The following MUC6 variants were observed in gnomAD, a reference collection of about 807,000 sequenced individuals.
The protein encoded by MUC6 is mucin-6.
A neutral mutation model predicts 201.5 loss-of-function variants in MUC6; 188 were observed. The observed-to-expected ratio is 0.93, with a 90% CI of 0.83 to 1.05. The LOEUF is 1.05. MUC6 is among the 50% of genes least tolerant of loss of function. The probability of loss-of-function intolerance (pLI) is 0.00; values close to 1 mark genes in which losing one functional copy is unlikely to be tolerated. For synonymous variants in MUC6, 1,228 were observed against 1,389.4 expected, an observed-to-expected ratio of 0.88 and a Z score of 2.58; for missense variants, 2,706 against 3,256.9, an observed-to-expected ratio of 0.83 and a Z score of 4.12.
chr11:1,031,102 A>G (rs1309245410), intron 5 of MUC6, 46 bp from the exon 6 acceptor site: 2 of 1,504,090 alleles, frequency 1.3e-6, no homozygotes, highest in Non-Finnish European at 1.8e-6. Flanking sequence ...TGGGCCTCAG[A>G]GGCCCCCCTG....
In MUC6 at chr11:1,023,933, G is replaced by A. The variant is rs1856885448; in HGVS notation, c.3382+14C>T. ...CAGGGGCTGGAGCAACCTGTGGGAGGGGTGGTCACTCACGGCAGAAGGCCG... is the reference window on the plus strand; with the variant it reads ...CAGGGGCTGGAGCAACCTGTGGGAGAGGTGGTCACTCACGGCAGAAGGCCG... On this transcript the variant is annotated intron_variant, in intron 25 of 32. Coordinates refer to ENST00000421673, the MANE Select transcript of MUC6 (RefSeq NM_005961.3). The A allele has an allele frequency of 1.2e-6, 2 of 1,610,638 alleles. No homozygotes were observed. Among genetic ancestry groups the A allele is most frequent in the South Asian group, 2.2e-5 (2 of 90,772 alleles).
Position 1,029,537 on chromosome 11 carries a change from A to G in MUC6, c.1094T>C (p.Met365Thr), listed in dbSNP as rs753396750. Reference sequence around the variant, plus strand: ...TATTGTGACCTCCCCGGGGGCATACATGGCGCCGTGGAGCACACAGGGGCA... The same window carrying G: ...TATTGTGACCTCCCCGGGGGCATACGTGGCGCCGTGGAGCACACAGGGGCA... Reference protein sequence around the residue: ...TQCPCVLHGAMYAPGEVTIAA... With the variant: ...TQCPCVLHGATYAPGEVTIAA... Residue 365 changes from methionine to threonine, a missense_variant, in exon 9 of 33, where the codon ATG becomes ACG. Physicochemically the swap from Met to Thr is moderately conservative, Grantham distance 81 (BLOSUM62 -1). This residue lies in a region of MUC6 where 1,850 missense variants were observed against 1,958.3 expected (regional missense o/e 0.94). Coordinates refer to ENST00000421673, the MANE Select transcript of MUC6 (RefSeq NM_005961.3). 1.9e-6 allele frequency: 3 copies of G among 1,612,452 alleles called. No homozygotes were observed. The highest frequency in any genetic ancestry group is 1.7e-4 in the Middle Eastern group (1 of 6,054).
In MUC6 at chr11:1,032,063, G is replaced by C. The variant is rs756092404; in HGVS notation, c.116-10C>G. On this transcript the variant is annotated splice_polypyrimidine_tract_variant and intron_variant, in intron 2 of 32. Transcript: ENST00000421673. ...TGGCCTTTGTCCGGGGCTACAGAGA[G>C]AGCAGTGCTCACACAGCCCTGTGTC... 21 of 1,612,334 alleles carry C rather than the reference G, an allele frequency of 1.3e-5. No homozygotes were observed. The African/African-American group carries it at 2.8e-4, about 22-fold the overall frequency.
At chr11:1,021,071 C>T in intron 27 of MUC6, 144 bp downstream of exon 27, 1 of 847,010 alleles carries the variant, frequency 1.2e-6, no homozygotes, top group South Asian at 1.9e-5. Context: ...CCCAAGGGGC[C>T]AGGGTCCTGG....
In MUC6 at chr11:1,033,158, G is replaced by C; in HGVS notation, c.53-83C>G. The C allele has an allele frequency of 7.3e-7, 1 of 1,375,906 alleles. No homozygotes were observed. The highest frequency in any genetic ancestry group is 1.0e-6 in the Non-Finnish European group (1 of 967,350). The allele number at this position is 1,375,906 out of a possible 1,614,324, so 85.2% of individuals were successfully genotyped here. A position where few individuals can be genotyped will look rare whatever the true frequency, so the allele number is the denominator to read the frequency against. On this transcript the variant is annotated intron_variant, in intron 1 of 32. Coordinates refer to ENST00000421673, the MANE Select transcript of MUC6 (RefSeq NM_005961.3). The surrounding 1 kb of genome is among the most constrained non-coding windows in gnomAD (Gnocchi z 5.6). ...GCTCACCTCTGCTCAGGGCTGCTCC[G>C]CCCGTTTCCCTGCACACACTCGGCG... is the stretch of plus-strand genomic sequence containing the variant.
Position 1,026,001 on chromosome 11 carries a change from G to T in MUC6, c.2687C>A (p.Thr896Lys), listed in dbSNP as rs191759836. ...TGCGGCCTGGCACCCGATGGTTACC[G>T]TGGCCAGGATGTACTCGCAGTTGCC... ...FDGNCEYILA[T>K]DVCGVNDSQP... is the part of the protein sequence containing the mutation. Residue 896 changes from threonine (T) to lysine (K), a missense_variant and splice_region_variant, in exon 21 of 33, where the codon ACG becomes AAG. Coordinates refer to ENST00000421673, the MANE Select transcript of MUC6 (RefSeq NM_005961.3). The T allele has an allele frequency of 2.1e-5, 34 of 1,587,148 alleles. No homozygotes were observed. The highest frequency in any genetic ancestry group is 2.9e-5 in the Non-Finnish European group (34 of 1,167,278).
rs1385032396 is a variant in MUC6 at position 1,027,733 on chromosome 11, A to G, written c.1933T>C (p.Leu645=). Reference sequence around the variant, plus strand: ...CAGCCCCAGAGCAGGACGCCCCGCAAGGAGCAGGCGTGTACGTAGTCGCCC... The same window carrying G: ...CAGCCCCAGAGCAGGACGCCCCGCAGGGAGCAGGCGTGTACGTAGTCGCCC... ...ALGDYVHACS[L]RGVLLWGWRS... Residue 645 remains leucine (L), a synonymous_variant, in exon 16 of 33, where the codon TTG becomes CTG. Coordinates refer to ENST00000421673, the MANE Select transcript of MUC6 (RefSeq NM_005961.3). The G allele has an allele frequency of 1.2e-6, 2 of 1,608,558 alleles. No individual in the cohort carries two copies. Among genetic ancestry groups the G allele is most frequent in the South Asian group, 2.2e-5 (2 of 90,064 alleles).
In MUC6 at chr11:1,018,695, G is replaced by T. The variant is rs556973634; in HGVS notation, c.4106C>A (p.Thr1369Asn). 2 of 1,610,168 alleles carry T rather than the reference G, an allele frequency of 1.2e-6. No individual in the cohort carries two copies. Among genetic ancestry groups the T allele is most frequent in the Non-Finnish European group, 1.7e-6 (2 of 1,178,436 alleles). Residue 1369 changes from threonine to asparagine, a missense_variant, in exon 31 of 33, where the codon ACC (threonine) becomes AAC (asparagine). Thr to Asn is a moderately conservative substitution (Grantham distance 65). Around this residue, in one of 10 missense-constraint regions of MUC6, gnomAD observed 1,850 missense variants for 1,958.3 expected, o/e 0.94. Transcript: ENST00000421673. ...TGGCTGTGGGGTGGTTGGGCCTGTG[G>T]TGCTTGCTGGGGTTGGACGTGGGCC... is the stretch of plus-strand genomic sequence containing the variant. ...TTGPRPTPAS[T>N]TGPTTPQPGQ...
chr11:1,024,403 G>A (rs1039266347), intron 24 of MUC6, among the ~76,000 whole-genome samples: 2 of 152,222 alleles, frequency 1.3e-5, no homozygotes, highest in African/African-American at 2.4e-5. Flanking sequence ...CCCACGTCAC[G>A]CTCACATTCA....
Position 1,025,281 on chromosome 11 carries a change from C to T in MUC6, c.2886G>A (p.Leu962=), listed in dbSNP as rs1856928051. The T allele has an allele frequency of 1.9e-6, 3 of 1,612,772 alleles. No individual in the cohort carries two copies. Among genetic ancestry groups the T allele is most frequent in the Non-Finnish European group, 2.5e-6 (3 of 1,179,856 alleles). ...HVQLGVTPGA[L]SLVVDISIPG... ...GGATGCTGATGTCCACGACAAGGCT[C>T]AGCGCACCCGGCGTCACCCCGAGCT... Residue 962 remains leucine (L), a synonymous_variant, in exon 23 of 33, where the codon CTG becomes CTA. Coordinates refer to ENST00000421673, the MANE Select transcript of MUC6 (RefSeq NM_005961.3).
Position 1,016,307 on chromosome 11 carries a change from A to G in MUC6, c.6494T>C (p.Phe2165Ser), listed in dbSNP as rs867477877. ...TGTGGAGTGCACGGGGGCGGACACG[A>G]AAGAGGAAGATGTGCCAACAGAAGG... The part of the protein sequence containing the change: ...SSPSVGTSSS[F>S]VSAPVHSTTL... Residue 2165 changes from phenylalanine (F) to serine (S), a missense_variant, in exon 31 of 33, where the codon TTC becomes TCC. Around this residue, in one of 10 missense-constraint regions of MUC6, gnomAD observed 586 missense variants for 488.0 expected, o/e 1.20. Coordinates refer to ENST00000421673, the MANE Select transcript of MUC6 (RefSeq NM_005961.3). The G allele has an allele frequency of 1.9e-6, 3 of 1,611,660 alleles. No homozygotes were observed. Among genetic ancestry groups the G allele is most frequent in the African/African-American group, 2.7e-5 (2 of 74,836 alleles).
rs202152925 is a variant in MUC6 at position 1,028,885 on chromosome 11, G to A, written c.1453+4C>T. 2.6e-4 allele frequency: 412 copies of A among 1,612,136 alleles called. 1 individual carries two copies. The East Asian group carries it at 6.6e-3, about 26-fold the overall frequency. On this transcript the variant is annotated splice_donor_region_variant and intron_variant, in intron 12 of 32. Transcript: ENST00000421673. ...GGGGGGCCACAGACTGGGCCAGGAC[G>A]TACGAGTCTTGTATGGCAGCCACTT...
rs941763770 is a variant in MUC6, at chr11:1,028,535, C to T, written c.1591+111G>A. 9.1e-5 allele frequency: 140 copies of T among 1,538,308 alleles called. No homozygotes were observed. In the South Asian group the frequency reaches 1.2e-3, roughly 14 times the overall value. On this transcript the variant is annotated intron_variant, in intron 13 of 32. Transcript: ENST00000421673. ...ACGTGCCTGTTACCCCTGGGGGCTCCCCGGACACAGAGGGTTGTGTGAACC... is the reference window on the plus strand; with the variant it reads ...ACGTGCCTGTTACCCCTGGGGGCTCTCCGGACACAGAGGGTTGTGTGAACC...
In MUC6 at chr11:1,031,804, C is replaced by G. The variant is rs1857112244; in HGVS notation, c.356+9G>C. 13 of 1,591,900 alleles carry G rather than the reference C, an allele frequency of 8.2e-6. No homozygotes were observed. The East Asian group carries it at 3.0e-4, about 37-fold the overall frequency. ...CCCGAGCCCCCGGGCCCCGGCCCAC[C>G]TGACCTACCCGATGTCCTTGACTGA... On this transcript the variant is annotated intron_variant, in intron 3 of 32. Transcript: ENST00000421673.
At position 1,028,343 on chromosome 11, in the gene MUC6, TG is replaced by T; in HGVS notation, c.1635del (p.Thr546LeufsTer35). On this transcript the variant is annotated frameshift_variant, in exon 14 of 33. Coordinates refer to ENST00000421673, the MANE Select transcript of MUC6 (RefSeq NM_005961.3). LOFTEE classifies it high-confidence loss of function. ...NFNGDTTDDFTTSMGIAEGTA... is the reference protein window; with the variant it reads ...NFNGDTTDDFXTSMGIAEGTA... ...GTGCCCTCGGCGATACCCATGCTAGTGGTGAAGTCATCCGTTGTGTCCCCGT... is the reference window on the plus strand; with the variant it reads ...GTGCCCTCGGCGATACCCATGCTAGTGTGAAGTCATCCGTTGTGTCCCCGT... The T allele has an allele frequency of 3.1e-6, 5 of 1,612,660 alleles. No individual in the cohort carries two copies. The highest frequency in any genetic ancestry group is 4.2e-6 in the Non-Finnish European group (5 of 1,179,848).
chr11:1,029,397 T>C (rs1216869259), intron 9 of MUC6, 31 bp from the exon 10 acceptor site: 1 of 1,593,300 alleles, frequency 6.3e-7, no homozygotes, highest in Non-Finnish European at 8.5e-7. Flanking sequence ...AGCGGCATGG[T>C]GGGCAGGGCC....
In MUC6 at chr11:1,025,813, A is replaced by G. The variant is rs1404006532; in HGVS notation, c.2791T>C (p.Phe931Leu). Reference protein sequence around the residue: ...GVTCSRAIKIFLGGLSVVLAD... With the variant: ...GVTCSRAIKILLGGLSVVLAD... Reference sequence around the variant, plus strand: ...TCTGCCCGGCTGCTCACCCCCAGGAAGATCTTGATGGCCCGTGAGCATGTG... The same window carrying G: ...TCTGCCCGGCTGCTCACCCCCAGGAGGATCTTGATGGCCCGTGAGCATGTG... Residue 931 changes from phenylalanine to leucine, a missense_variant, in exon 22 of 33, where the codon TTC becomes CTC. By Grantham distance (22) the Phe-to-Leu change is conservative. This residue lies in a region of MUC6 where 1,850 missense variants were observed against 1,958.3 expected (regional missense o/e 0.94). Coordinates refer to ENST00000421673, the MANE Select transcript of MUC6 (RefSeq NM_005961.3). 3 of 1,610,346 alleles carry G rather than the reference A, an allele frequency of 1.9e-6. No homozygotes were observed. In the Admixed American group the frequency reaches 5.0e-5, roughly 27 times the overall value.
chr11:1,023,278 G>A (rs2133824889), intron 26 of MUC6, among the ~76,000 whole-genome samples: 1 of 152,162 alleles, frequency 6.6e-6, no homozygotes, highest in East Asian at 1.9e-4. Context: ...GTGAGTGGAT[G>A]AACAAATGTG....
At position 1,027,136 on chromosome 11, in the gene MUC6, C is replaced by A. The variant is rs760244832; in HGVS notation, c.2284+5G>T. On this transcript the variant is annotated splice_donor_5th_base_variant and intron_variant, in intron 18 of 32. Coordinates refer to ENST00000421673, the MANE Select transcript of MUC6 (RefSeq NM_005961.3). ...CCAGCCTGCGGCCAGCGCTGCTGTA[C>A]GTACCCAGGAACATCTGTGGCCGCT... The A allele has an allele frequency of 1.9e-6, 3 of 1,612,366 alleles. No individual in the cohort carries two copies. The highest frequency in any genetic ancestry group is 1.1e-5 in the South Asian group (1 of 91,082).
Sources: gnomAD v4.1 joint callset for allele counts (sites outside exome capture counted in the v4.1 genomes callset) on GRCh38, gnomAD v4.1.1 for gene constraint, gnomAD v4.1.1 regional missense constraint, Gnocchi (gnomAD v3.1) non-coding constraint, MANE v1.5 for transcripts, NCBI Gene and HGNC (gene_info 2026-07-23, HGNC 2026-07-21) for gene names.